UPP2: variants seen among roughly 807,000 people sequenced by gnomAD.
UPP2 encodes UPase 2.
In UPP2, 23 loss-of-function variants were observed where a neutral mutation model predicts 26.7. That is an observed-to-expected ratio of 0.86 (90% CI 0.62 to 1.22). The LOEUF (loss-of-function observed/expected upper bound fraction) is 1.22. Ranked by LOEUF, UPP2 falls within the 50% of genes most tolerant of loss-of-function variation. The pLI is 0.00. For missense variants in UPP2, 387 were observed against 396.7 expected (o/e 0.98, Z 0.21); for synonymous variants, 127 against 141.3 (o/e 0.90, Z 0.72).
At chr2:158,028,094 G>A (rs1683864191) in intron 3 of UPP2, among the ~76,000 whole-genome samples, 1 of 152,212 alleles carries the variant, frequency 6.6e-6, no homozygotes, top group Non-Finnish European at 1.5e-5. Flanking sequence ...CATTTTCTTG[G>A]AGATTAACAT....
upstream of UPP2, among the ~76,000 whole-genome samples, chr2:158,097,379 C>CTATA (rs567902944): frequency 6.7e-6 from 1 of 149,570 alleles, no homozygotes; most frequent in Non-Finnish European, 1.5e-5. Context: ...GTTTCTCTCT[C>CTATA]TATATATATA....
chr2:158,104,979 A>G (rs1164408666), intron 1 of UPP2, among the ~76,000 whole-genome samples: 10 of 43,834 alleles, frequency 2.3e-4, no homozygotes, highest in African/African-American at 9.4e-4. Context: ...AGGGAAGGGA[A>G]GAGAAGGGAA....
At chr2:158,089,451 G>A (rs1481313203) in intron 3 of UPP2, among the ~76,000 whole-genome samples, 2 of 152,172 alleles carry the variant, frequency 1.3e-5, no homozygotes, top group Non-Finnish European at 2.9e-5. Context: ...GCACCTCCCT[G>A]CCTGCTGCAG....
intron 3 of UPP2, among the ~76,000 whole-genome samples, chr2:158,096,401 C>G (rs933639504): frequency 6.6e-6 from 1 of 152,130 alleles, no homozygotes; most frequent in African/African-American, 2.4e-5. Flanking sequence ...GAGTTCGAGA[C>G]CAGCCTGGCC....
intron 3 of UPP2, among the ~76,000 whole-genome samples, chr2:158,038,992 C>T (rs1279021744): frequency 6.6e-6 from 1 of 152,214 alleles, no homozygotes; most frequent in African/African-American, 2.4e-5. Flanking sequence ...ATCTAATCCA[C>T]TTTGGCTGGT....
intron 3 of UPP2, among the ~76,000 whole-genome samples, chr2:158,064,909 C>T (rs1682411098): frequency 6.6e-6 from 1 of 152,084 alleles, no homozygotes; most frequent in South Asian, 2.1e-4. Flanking sequence ...ATGTGCAATG[C>T]TATTTCTGAG....
intron 3 of UPP2, among the ~76,000 whole-genome samples, chr2:158,115,745 A>T (rs193198477): frequency 3.2e-4 from 49 of 152,356 alleles, no homozygotes; most frequent in Non-Finnish European, 5.9e-4. Flanking sequence ...TTATGGAAGC[A>T]CACAGTGCCC....
chr2:158,044,534 C>T (rs1304627389), intron 3 of UPP2, among the ~76,000 whole-genome samples: 2 of 151,886 alleles, frequency 1.3e-5, no homozygotes, highest in Admixed American at 6.6e-5. Flanking sequence ...GTGTGGCAGC[C>T]GGAATCTGAG....
At position 158,102,258 on chromosome 2, in the gene UPP2, G is replaced by T. The variant is rs1010882882; in HGVS notation, c.62+133G>T. ...TGTAGAGATTATATCACTGGATGCA[G>T]CTCATAAAGCAATAAAAACAGTGGA... On this transcript the variant is annotated intron_variant, in intron 1 of 6. Transcript: ENST00000005756. 31 of 847,348 alleles carry T rather than the reference G, an allele frequency of 3.7e-5. No homozygotes were observed. In the African/African-American group the frequency reaches 5.2e-4, roughly 14 times the overall value. The allele number at this position is 847,348 out of a possible 1,614,324, so 52.5% of individuals were successfully genotyped here.
intron 6 of UPP2, 73 bp from the exon 7 acceptor site, chr2:158,134,675 G>T: frequency 6.8e-7 from 1 of 1,469,060 alleles, no homozygotes; most frequent in Non-Finnish European, 9.1e-7. Context: ...AGGGATGCTG[G>T]TGTGTTTGGC....
chr2:158,065,570 C>T, intron 3 of UPP2: 1 of 544,214 alleles, frequency 1.8e-6, no homozygotes, highest in Middle Eastern at 6.2e-4. Context: ...TGTCCAGCTC[C>T]TGTGGAAGTC....
chr2:158,070,151 A>C (rs937173538), intron 3 of UPP2, among the ~76,000 whole-genome samples: 1 of 152,098 alleles, frequency 6.6e-6, no homozygotes, highest in Non-Finnish European at 1.5e-5. Flanking sequence ...TTACTAGCCA[A>C]TCTTTTGCTA....
At chr2:158,008,633 G>A (rs943356528) in intron 2 of UPP2, among the ~76,000 whole-genome samples, 2 of 152,056 alleles carry the variant, frequency 1.3e-5, no homozygotes, top group South Asian at 2.1e-4. Flanking sequence ...ATTATTTCCA[G>A]GCCAATCAAT....
chr2:158,025,349 A>G, intron 3 of UPP2, among the ~76,000 whole-genome samples: 1 of 152,168 alleles, frequency 6.6e-6, no homozygotes, highest in Non-Finnish European at 1.5e-5. Flanking sequence ...GCTGATGCAG[A>G]CCTGAGCCTT....
chr2:158,065,560 T>A, intron 3 of UPP2: 12 of 514,136 alleles, frequency 2.3e-5, no homozygotes, highest in South Asian at 1.7e-4. Flanking sequence ...TCAAATGAAC[T>A]GTCCAGCTCC....
intron 6 of UPP2, among the ~76,000 whole-genome samples, chr2:158,131,115 G>A (rs945773386): frequency 2.6e-5 from 4 of 152,180 alleles, no homozygotes; most frequent in African/African-American, 9.7e-5. Context: ...GGCATATAGG[G>A]AGCAAAGGTA....
At chr2:158,026,946 T>C (rs978434017) in intron 3 of UPP2, among the ~76,000 whole-genome samples, 1 of 152,150 alleles carries the variant, frequency 6.6e-6, no homozygotes, top group African/African-American at 2.4e-5. Context: ...TTGAGACTTA[T>C]TCGCTACTAC....
At chr2:158,055,504 T>G (rs1182427455) in intron 3 of UPP2, among the ~76,000 whole-genome samples, 1 of 152,200 alleles carries the variant, frequency 6.6e-6, no homozygotes, top group Middle Eastern at 3.2e-3. Context: ...GCTTGTTCAC[T>G]TCGCATAATG....
At chr2:158,060,246 T>G (rs772768202) in intron 3 of UPP2, among the ~76,000 whole-genome samples, 7 of 152,128 alleles carry the variant, frequency 4.6e-5, no homozygotes, top group African/African-American at 1.7e-4. Flanking sequence ...TGACACTGTA[T>G]GAAAGCTCCT....
Sources: gnomAD v4.1 joint callset for allele counts (sites outside exome capture counted in the v4.1 genomes callset) on GRCh38, gnomAD v4.1.1 for gene constraint, MANE v1.5 for transcripts, NCBI Gene and HGNC (gene_info 2026-07-23, HGNC 2026-07-21) for gene names.